ARHGAP6: variants seen among roughly 807,000 people sequenced by gnomAD.
ARHGAP6 encodes the protein rho GTPase-activating protein 6.
In ARHGAP6, 16 loss-of-function variants were observed where a neutral mutation model predicts 55.7. The ratio of observed to expected loss-of-function variants is 0.29; its 90% CI spans 0.19 to 0.44. The LOEUF (loss-of-function observed/expected upper bound fraction) is 0.44, where lower values mean the gene tolerates loss of function less well. Ranked by LOEUF, ARHGAP6 falls within the 20% of genes least tolerant of loss-of-function variation. The pLI is 1.00. For missense variants in ARHGAP6, 698 were observed against 808.9 expected, an observed-to-expected ratio of 0.86 and a Z score of 1.66; for synonymous variants, 382 against 360.9, an observed-to-expected ratio of 1.06 and a Z score of -0.66.
intron 1 of ARHGAP6, among the ~76,000 whole-genome samples, chrX:11,506,402 C>A (rs189989387): frequency 9.1e-6 from 1 of 110,071 alleles, no homozygotes; most frequent in East Asian, 2.9e-4. Context: ...CCCCCCACCC[C>A]ACGACAGGCC....
intron 2 of ARHGAP6, among the ~76,000 whole-genome samples, chrX:11,252,821 C>A (rs751205926): frequency 2.5e-4 from 28 of 111,880 alleles, no homozygotes; most frequent in African/African-American, 8.8e-4. Context: ...AAAAACGTGG[C>A]CCTAAGACTC....
At chrX:11,642,934 G>A (rs957103031) in intron 1 of ARHGAP6, among the ~76,000 whole-genome samples, 1 of 111,102 alleles carries the variant, frequency 9.0e-6, no homozygotes, top group African/African-American at 3.3e-5. Flanking sequence ...GGAAATAATG[G>A]GTATAACTGA....
chrX:11,574,334 C>A, intron 1 of ARHGAP6, among the ~76,000 whole-genome samples: 1 of 110,621 alleles, frequency 9.0e-6, no homozygotes, highest in Middle Eastern at 4.7e-3. Context: ...CAATAAAATA[C>A]TGGCAAACCA....
intron 1 of ARHGAP6, among the ~76,000 whole-genome samples, chrX:11,388,016 G>A (rs1434915292): frequency 8.9e-6 from 1 of 111,917 alleles, no homozygotes; most frequent in Non-Finnish European, 1.9e-5. Flanking sequence ...ATAAACATAC[G>A]TGTGCATGTG....
intron 1 of ARHGAP6, among the ~76,000 whole-genome samples, chrX:11,581,459 G>C (rs1354516851): frequency 9.0e-6 from 1 of 111,576 alleles, no homozygotes; most frequent in African/African-American, 3.3e-5. Flanking sequence ...ACAAAAATGT[G>C]TACATGAATG....
chrX:11,549,810 T>C (rs2051248178), intron 1 of ARHGAP6, among the ~76,000 whole-genome samples: 1 of 112,574 alleles, frequency 8.9e-6, no homozygotes, highest in Admixed American at 9.4e-5. Context: ...TAGAAACGTT[T>C]ATAGCAACTT....
chrX:11,464,194 T>C (rs765869461), intron 1 of ARHGAP6, among the ~76,000 whole-genome samples: 1 of 112,083 alleles, frequency 8.9e-6, no homozygotes, highest in Admixed American at 9.5e-5. Context: ...TAAACCACAG[T>C]GGAACTTTCT....
chrX:11,575,454 A>G (rs778089594), intron 1 of ARHGAP6, among the ~76,000 whole-genome samples: 2 of 111,751 alleles, frequency 1.8e-5, no homozygotes, highest in Admixed American at 9.6e-5. Flanking sequence ...AAGACCTAAT[A>G]ATGAATTTAG....
rs1021341072 is a variant in ARHGAP6 at position 11,536,327 on chromosome X, T to C, written c.588+127914A>G. Among the ~76,000 whole-genome samples the C allele has an allele frequency of 2.7e-5, 3 of 112,231 alleles. No homozygotes were observed. In the South Asian group the frequency reaches 1.1e-3, roughly 42 times the overall value. ...GCCCTGAGCCAACAGCAGCTGAGATTTGGAGGATAAATACCTCAGTGTCCT... is the reference window on the plus strand; with the variant it reads ...GCCCTGAGCCAACAGCAGCTGAGATCTGGAGGATAAATACCTCAGTGTCCT... On this transcript the variant is annotated intron_variant, in intron 1 of 12. Transcript: ENST00000337414.
chrX:11,439,345 A>G (rs1322676220), intron 1 of ARHGAP6, among the ~76,000 whole-genome samples: 1 of 112,311 alleles, frequency 8.9e-6, no homozygotes, highest in East Asian at 2.8e-4. Flanking sequence ...CCATAAATAA[A>G]GTCTTCTTGG....
At chrX:11,554,680 C>T (rs1229069868) in intron 1 of ARHGAP6, among the ~76,000 whole-genome samples, 1 of 111,986 alleles carries the variant, frequency 8.9e-6, no homozygotes, top group Non-Finnish European at 1.9e-5. Flanking sequence ...AAAATATATT[C>T]TCTGGTTTTT....
chrX:11,388,950 A>G (rs967220197), intron 1 of ARHGAP6, among the ~76,000 whole-genome samples: 5 of 112,282 alleles, frequency 4.5e-5, no homozygotes, highest in African/African-American at 1.6e-4. Flanking sequence ...ACACGGAGAT[A>G]AGAATGTCTT....
intron 1 of ARHGAP6, among the ~76,000 whole-genome samples, chrX:11,587,632 G>T (rs2051751257): frequency 8.9e-6 from 1 of 112,158 alleles, no homozygotes. Context: ...AACAGGAAAA[G>T]AATCTGAGAT....
chrX:11,578,253 T>C (rs1384635938), intron 1 of ARHGAP6, among the ~76,000 whole-genome samples: 1 of 111,508 alleles, frequency 9.0e-6, no homozygotes, highest in Non-Finnish European at 1.9e-5. Context: ...AATGTGAAGA[T>C]TCCCCCATCT....
intron 1 of ARHGAP6, among the ~76,000 whole-genome samples, chrX:11,489,562 C>T (rs924314259): frequency 1.2e-4 from 14 of 112,298 alleles, no homozygotes; most frequent in Admixed American, 7.6e-4. Context: ...ATAGGTATGG[C>T]TTTGCACCAA....
At chrX:11,491,511 A>G (rs752548256) in intron 1 of ARHGAP6, among the ~76,000 whole-genome samples, 36 of 111,231 alleles carry the variant, frequency 3.2e-4, no homozygotes, top group African/African-American at 1.1e-3. Flanking sequence ...ATGATTTCCA[A>G]TTTCATCCAT....
intron 1 of ARHGAP6, among the ~76,000 whole-genome samples, chrX:11,544,590 T>C (rs756376205): frequency 2.7e-5 from 3 of 112,380 alleles, no homozygotes; most frequent in Admixed American, 9.4e-5. Flanking sequence ...TGTTTGTTGA[T>C]GCCATGTTTG....
At chrX:11,564,350 G>A (rs1233317675) in intron 1 of ARHGAP6, among the ~76,000 whole-genome samples, 1 of 110,780 alleles carries the variant, frequency 9.0e-6, no homozygotes, top group Non-Finnish European at 1.9e-5. Flanking sequence ...CTTAAAAAAA[G>A]ATTAAAAGTA....
Position 11,564,086 on chromosome X carries a change from A to C in ARHGAP6, c.588+100155T>G, listed in dbSNP as rs2051416712. Among the ~76,000 whole-genome samples, 5 of 111,784 alleles carry C rather than the reference A, an allele frequency of 4.5e-5. No individual in the cohort carries two copies. The South Asian group carries it at 1.9e-3, about 42-fold the overall frequency. On this transcript the variant is annotated intron_variant, in intron 1 of 12. Coordinates refer to ENST00000337414, the MANE Select transcript of ARHGAP6 (RefSeq NM_013427.3). ...AAAAGTGCTTTTATTCCAATGAAAAACAATAAAATGATAGATAGCAAGAAT... is the reference window on the plus strand; with the variant it reads ...AAAAGTGCTTTTATTCCAATGAAAACCAATAAAATGATAGATAGCAAGAAT...
Sources: allele counts gnomAD v4.1 joint callset (sites outside exome capture counted in the v4.1 genomes callset), GRCh38; gene constraint gnomAD v4.1.1; transcripts MANE v1.5; gene names NCBI Gene and HGNC (gene_info 2026-07-23, HGNC 2026-07-21).